RGS5: variants seen among roughly 807,000 people sequenced by gnomAD.
RGS5 encodes regulator of G protein signaling 5.
A neutral mutation model predicts 18.9 loss-of-function variants in RGS5; 20 were observed. The ratio of observed to expected loss-of-function variants is 1.06; its 90% CI spans 0.74 to 1.54. The LOEUF (loss-of-function observed/expected upper bound fraction) is 1.54. Among genes scored for constraint, RGS5 ranks in the 40% most tolerant of loss-of-function variants. The pLI, the probability that RGS5 is intolerant of heterozygous loss-of-function variation, is 0.00. For synonymous variants in RGS5, 57 were observed against 76.2 expected, an observed-to-expected ratio of 0.75 and a Z score of 1.31; for missense variants, 201 against 211.8, an observed-to-expected ratio of 0.95 and a Z score of 0.32.
intron 3 of RGS5, 81 bp downstream of exon 3, chr1:163,161,834 G>T (rs1657809181): frequency 1.9e-6 from 2 of 1,058,042 alleles, no homozygotes; most frequent in African/African-American, 1.6e-5. Context: ...TGGGGAAGAA[G>T]AACACAGGTA....
At chr1:163,267,800 G>A (rs561440101) in intron 2 of RGS5, among the ~76,000 whole-genome samples, 1 of 151,978 alleles carries the variant, frequency 6.6e-6, no homozygotes, top group Non-Finnish European at 1.5e-5. Context: ...TTTCTGTGTT[G>A]TGGATGGTAG....
chr1:163,179,188 C>T (rs998686113), intron 1 of RGS5, among the ~76,000 whole-genome samples: 1 of 152,136 alleles, frequency 6.6e-6, no homozygotes, highest in Non-Finnish European at 1.5e-5. Flanking sequence ...AAGCAAGAGA[C>T]AGAATGACAT....
intron 2 of RGS5, among the ~76,000 whole-genome samples, chr1:163,245,705 T>C (rs1647910981): frequency 6.6e-6 from 1 of 152,208 alleles, no homozygotes; most frequent in South Asian, 2.1e-4. Context: ...GTAAAATGGG[T>C]ATAATAATAC....
intron 1 of RGS5, among the ~76,000 whole-genome samples, chr1:163,185,276 C>A (rs958657254): frequency 4.6e-5 from 7 of 152,006 alleles, no homozygotes; most frequent in Admixed American, 2.6e-4. Flanking sequence ...ATGAATTATT[C>A]CCTGGAGTCT....
chr1:163,208,378 GAAA>G (rs1242823343), intron 1 of RGS5, among the ~76,000 whole-genome samples: 12 of 119,278 alleles, frequency 1.0e-4, no homozygotes, highest in Admixed American at 4.3e-4. Context: ...AAAAGGAAAA[GAAA>G]AAAAAGAAAA....
chr1:163,153,555 G>A (rs1460874349), intron 3 of RGS5, among the ~76,000 whole-genome samples: 1 of 151,912 alleles, frequency 6.6e-6, no homozygotes, highest in Non-Finnish European at 1.5e-5. Context: ...TATGATTATA[G>A]CTATTATGAT....
chr1:163,173,919 C>T (rs866478211), intron 1 of RGS5, among the ~76,000 whole-genome samples: 48 of 151,732 alleles, frequency 3.2e-4, no homozygotes, highest in African/African-American at 1.1e-3. Flanking sequence ...ACTGAAAATA[C>T]AAAAAAAATT....
upstream of RGS5, among the ~76,000 whole-genome samples, chr1:163,207,629 AT>A (rs1659980698): frequency 6.6e-6 from 1 of 152,148 alleles, no homozygotes; most frequent in Admixed American, 6.5e-5. Flanking sequence ...TTAGTTGTAT[AT>A]TTCCATTTTT....
chr1:163,246,750 T>C (rs1269468344), intron 2 of RGS5, among the ~76,000 whole-genome samples: 1 of 152,206 alleles, frequency 6.6e-6, no homozygotes, highest in Admixed American at 6.5e-5. Flanking sequence ...CTGATTCCTC[T>C]GGAATTTATT....
chr1:163,212,444 A>G (rs1660128717), intron 1 of RGS5: 2 of 152,232 alleles, frequency 1.3e-5, no homozygotes, highest in African/African-American at 4.8e-5. Context: ...AGAACTAGAA[A>G]AGAAAGGCTC....
chr1:163,260,372 G>T (rs777476948), intron 2 of RGS5, among the ~76,000 whole-genome samples: 16 of 152,066 alleles, frequency 1.1e-4, no homozygotes, highest in Non-Finnish European at 1.8e-4. Context: ...ATTATCGCCA[G>T]TGCTTTAAAG....
intron 1 of RGS5, among the ~76,000 whole-genome samples, chr1:163,208,240 C>T (rs1049313364): frequency 2.8e-4 from 36 of 128,744 alleles, no homozygotes; most frequent in Admixed American, 2.5e-3. Flanking sequence ...TCCAGCTACT[C>T]CGGAGGCTGA....
chr1:163,221,025 G>T (rs1245225552), upstream of RGS5, among the ~76,000 whole-genome samples: 1 of 152,080 alleles, frequency 6.6e-6, no homozygotes, highest in Non-Finnish European at 1.5e-5. Flanking sequence ...CTAAGTTTGT[G>T]GTAATTTGTT....
chr1:163,290,922 C>T (rs1424465518), intron 2 of RGS5, among the ~76,000 whole-genome samples: 1 of 151,870 alleles, frequency 6.6e-6, no homozygotes, highest in African/African-American at 2.4e-5. Context: ...GAGAAAAAGG[C>T]CAACATTATT....
chr1:163,233,901 A>G (rs1216823049), intron 2 of RGS5, among the ~76,000 whole-genome samples: 1 of 152,192 alleles, frequency 6.6e-6, no homozygotes, highest in Non-Finnish European at 1.5e-5. Flanking sequence ...ACAGATCACA[A>G]TGGTGGAATC....
intron 1 of RGS5, among the ~76,000 whole-genome samples, chr1:163,308,255 T>C (rs12746009): frequency 0.15 from 22,332 of 152,178 alleles, 1,959 homozygotes; most frequent in Non-Finnish European, 0.19. Context: ...ATAGAAACTG[T>C]GCCATTCTAA....
intron 1 of RGS5, among the ~76,000 whole-genome samples, chr1:163,217,278 T>G (rs1660240822): frequency 1.3e-5 from 2 of 152,146 alleles, no homozygotes; most frequent in African/African-American, 4.8e-5. Context: ...CAGTTCACCT[T>G]CCCTTTGAAA....
intron 2 of RGS5, among the ~76,000 whole-genome samples, chr1:163,164,686 C>A (rs1657967228): frequency 6.6e-6 from 1 of 152,166 alleles, no homozygotes; most frequent in South Asian, 2.1e-4. Context: ...GTTAGCCTGG[C>A]TGATGAAAGC....
intron 1 of RGS5, among the ~76,000 whole-genome samples, chr1:163,174,769 G>A (rs1292068726): frequency 6.6e-6 from 1 of 152,178 alleles, no homozygotes; most frequent in African/African-American, 2.4e-5. Context: ...AAGTAGCCCT[G>A]GGGCATAGGC....
Sources: gnomAD v4.1 joint callset for allele counts (sites outside exome capture counted in the v4.1 genomes callset) on GRCh38, gnomAD v4.1.1 for gene constraint, MANE v1.5 for transcripts, NCBI Gene and HGNC (gene_info 2026-07-23, HGNC 2026-07-21) for gene names.